Variants in FHOD3 observed in about 807,000 individuals in gnomAD.
FHOD3 encodes the protein formin homology 2 domain containing 3.
Under a neutral mutation model 173.0 loss-of-function variants are expected in FHOD3, and 90 were observed. That is an observed-to-expected ratio of 0.52 (90% CI 0.44 to 0.62). The LOEUF is 0.62. Among genes scored for constraint, FHOD3 ranks in the 20% least tolerant of loss-of-function variants. The pLI, the probability that FHOD3 is intolerant of heterozygous loss-of-function variation, is 0.00. For missense variants in FHOD3, 1,945 were observed against 2,034.7 expected (o/e 0.96, Z 0.85); for synonymous variants, 828 against 823.0 (o/e 1.01, Z -0.10).
chr18:36,758,880 G>A (rs1364609744), intron 25 of FHOD3, among the ~76,000 whole-genome samples: 1 of 152,198 alleles, frequency 6.6e-6, no homozygotes, highest in Non-Finnish European at 1.5e-5. Context: ...TTGGCCCGGA[G>A]CCGTGTGAGT....
At chr18:36,432,980 C>T (rs186935786) in intron 3 of FHOD3, among the ~76,000 whole-genome samples, 16 of 152,242 alleles carry the variant, frequency 1.1e-4, no homozygotes, top group Admixed American at 7.9e-4. Flanking sequence ...TCTATGACCC[C>T]GGCTTGGTAG....
At chr18:36,480,714 G>A (rs2145464878) in intron 3 of FHOD3, among the ~76,000 whole-genome samples, 1 of 152,308 alleles carries the variant, frequency 6.6e-6, no homozygotes, top group Non-Finnish European at 1.5e-5. Flanking sequence ...TCCTTAATTT[G>A]TTCTTTGTAG....
chr18:36,513,700 C>A lies in FHOD3; in HGVS notation c.511+1157C>A, dbSNP rs1277699904. Among the ~76,000 whole-genome samples the A allele has an allele frequency of 4.6e-5, 7 of 151,928 alleles. No individual in the cohort carries two copies. The East Asian group carries it at 1.2e-3, about 25-fold the overall frequency. Reference sequence around the variant, plus strand: ...TGTGGCGTTTTCCAGCCAATCAGAGCCTTCATCCCTCTTTCCCCTCTTCTG... The same window carrying A: ...TGTGGCGTTTTCCAGCCAATCAGAGACTTCATCCCTCTTTCCCCTCTTCTG... On this transcript the variant is annotated intron_variant, in intron 5 of 28. Coordinates refer to ENST00000590592, the MANE Select transcript of FHOD3 (RefSeq NM_001281740.3).
chr18:36,435,148 G>C (rs1325343058), intron 3 of FHOD3, among the ~76,000 whole-genome samples: 3 of 149,514 alleles, frequency 2.0e-5, no homozygotes, highest in African/African-American at 7.4e-5. Context: ...TCCTTGAATA[G>C]GCAGTAGTGG....
At chr18:36,397,714 A>T (rs1169639102) in intron 3 of FHOD3, among the ~76,000 whole-genome samples, 2 of 152,220 alleles carry the variant, frequency 1.3e-5, no homozygotes, top group East Asian at 3.9e-4. Context: ...AACTCCCAAA[A>T]CAATAGGAAA....
chr18:36,375,872 T>G (rs1203544416), intron 3 of FHOD3, among the ~76,000 whole-genome samples: 1 of 152,260 alleles, frequency 6.6e-6, no homozygotes, highest in African/African-American at 2.4e-5. Context: ...CTGTAATTTT[T>G]ATTTCTTTGT....
At chr18:36,611,843 A>T in intron 8 of FHOD3, 109 bp from the exon 9 acceptor site, 1 of 1,055,290 alleles carries the variant, frequency 9.5e-7, no homozygotes, top group Non-Finnish European at 1.3e-6. Flanking sequence ...TGGATTGATT[A>T]GTGGCCATGA....
intron 3 of FHOD3, among the ~76,000 whole-genome samples, chr18:36,386,473 C>T (rs886374657): frequency 2.9e-4 from 44 of 152,206 alleles, no homozygotes; most frequent in African/African-American, 1.1e-3. Flanking sequence ...GAGCAATTTC[C>T]GTGCCCGTTA....
rs186271731 is a variant in FHOD3, at chr18:36,560,520, A to C, written c.512-15931A>C. Among the ~76,000 whole-genome samples, 444 of 152,316 alleles carry C rather than the reference A, an allele frequency of 2.9e-3. 2 individuals are homozygous for C. Among genetic ancestry groups the C allele is most frequent in the African/African-American group, 6.9e-3 (287 of 41,566 alleles). On this transcript the variant is annotated intron_variant, in intron 5 of 28. Coordinates refer to ENST00000590592, the MANE Select transcript of FHOD3 (RefSeq NM_001281740.3). ...CTTCCCTTCAAAGCTCTTGTGGAGTAACGGGTCTGATCATTCTCCATTCCT... is the reference window on the plus strand; with the variant it reads ...CTTCCCTTCAAAGCTCTTGTGGAGTCACGGGTCTGATCATTCTCCATTCCT...
At chr18:36,709,048 T>G (rs374671193) in intron 17 of FHOD3, 47 bp from the exon 18 acceptor site, 2 of 1,583,424 alleles carry the variant, frequency 1.3e-6, no homozygotes, top group African/African-American at 2.7e-5. Flanking sequence ...ACTTCACCCT[T>G]CCAAGAAATC....
chr18:36,461,480 C>CTTTGT (rs2052556349), intron 3 of FHOD3, among the ~76,000 whole-genome samples: 1 of 151,164 alleles, frequency 6.6e-6, no homozygotes, highest in African/African-American at 2.4e-5. Flanking sequence ...TCTCCAAAGC[C>CTTTGT]TTTGAATTTA....
At chr18:36,654,962 A>G (rs1361473713) in intron 13 of FHOD3, among the ~76,000 whole-genome samples, 1 of 152,102 alleles carries the variant, frequency 6.6e-6, no homozygotes, top group Non-Finnish European at 1.5e-5. Flanking sequence ...CAGATATGGA[A>G]CTTCAGGATC....
intron 10 of FHOD3, among the ~76,000 whole-genome samples, chr18:36,629,391 C>G (rs114740201): frequency 0.026 from 3,908 of 151,926 alleles, 179 homozygotes; most frequent in African/African-American, 0.09. Context: ...GATTTTTTTT[C>G]AACCATTAAA....
intron 3 of FHOD3, among the ~76,000 whole-genome samples, chr18:36,419,617 A>G (rs2049879917): frequency 6.6e-6 from 1 of 152,234 alleles, no homozygotes; most frequent in Non-Finnish European, 1.5e-5. Context: ...GCAGAAAGCA[A>G]ACCTGCATCT....
At chr18:36,523,845 C>T (rs2056389336) in intron 5 of FHOD3, among the ~76,000 whole-genome samples, 1 of 152,122 alleles carries the variant, frequency 6.6e-6, no homozygotes, top group Non-Finnish European at 1.5e-5. Context: ...TCTGCATGCT[C>T]CATATTAATT....
At chr18:36,448,060 G>A (rs1361717303) in intron 3 of FHOD3, among the ~76,000 whole-genome samples, 1 of 152,154 alleles carries the variant, frequency 6.6e-6, no homozygotes, top group Non-Finnish European at 1.5e-5. Flanking sequence ...TGAAACAAAT[G>A]TATAAAAATT....
intron 5 of FHOD3, among the ~76,000 whole-genome samples, chr18:36,522,456 G>A (rs564254207): frequency 6.1e-4 from 93 of 152,326 alleles, no homozygotes; most frequent in African/African-American, 2.0e-3. Flanking sequence ...TAGTTCAGTA[G>A]GTGGATATAT....
intron 8 of FHOD3, among the ~76,000 whole-genome samples, chr18:36,606,933 G>C (rs1279522580): frequency 6.6e-6 from 1 of 152,224 alleles, no homozygotes; most frequent in Admixed American, 6.5e-5. Flanking sequence ...GGGCACACTG[G>C]GGTTGGGGTT....
At chr18:36,655,425 C>T (rs938275445) in intron 13 of FHOD3, among the ~76,000 whole-genome samples, 4 of 151,878 alleles carry the variant, frequency 2.6e-5, no homozygotes, top group Admixed American at 6.6e-5. Context: ...TATTTATAGT[C>T]GTGGGGGTGG....
Sources: gnomAD v4.1 joint callset for allele counts (sites outside exome capture counted in the v4.1 genomes callset) on GRCh38, gnomAD v4.1.1 for gene constraint, MANE v1.5 for transcripts, NCBI Gene and HGNC (gene_info 2026-07-23, HGNC 2026-07-21) for gene names.